ZNF549: variants seen among roughly 807,000 people sequenced by gnomAD.
The protein encoded by ZNF549 is zinc finger protein 549.
A neutral mutation model predicts 11.1 loss-of-function variants in ZNF549; 11 were observed. The ratio of observed to expected loss-of-function variants is 0.99; its 90% CI spans 0.62 to 1.64. The LOEUF (loss-of-function observed/expected upper bound fraction) is 1.64. Among genes scored for constraint, ZNF549 ranks in the 40% most tolerant of loss-of-function variants. The pLI is 0.00. For missense variants in ZNF549, 748 were observed against 765.1 expected (o/e 0.98, Z 0.26); for synonymous variants, 266 against 269.1 (o/e 0.99, Z 0.11).
At chr19:57,530,884 A>G (rs570083699) in intron 1 of ZNF549, among the ~76,000 whole-genome samples, 186 bp from the exon 2 acceptor site, 16 of 151,886 alleles carry the variant, frequency 1.1e-4, no homozygotes, top group Non-Finnish European at 2.2e-4. Flanking sequence ...TTGGACACGT[A>G]TGAATGAGTT....
chr19:57,535,459 A>C, intron 3 of ZNF549, 189 bp downstream of exon 3: 1 of 728,208 alleles, frequency 1.4e-6, no homozygotes, highest in Non-Finnish European at 2.1e-6. Context: ...TACTGTCCTG[A>C]AGCCTTTTAG....
At chr19:57,528,994 A>G (rs2089891809) in intron 1 of ZNF549, among the ~76,000 whole-genome samples, 1 of 152,222 alleles carries the variant, frequency 6.6e-6, no homozygotes, top group South Asian at 2.1e-4. Context: ...TGACCACATC[A>G]GTGACGGTGG....
At chr19:57,537,007 T>C (rs1383344278) in intron 3 of ZNF549, among the ~76,000 whole-genome samples, 197 bp from the exon 4 acceptor site, 2 of 151,946 alleles carry the variant, frequency 1.3e-5, no homozygotes, top group Non-Finnish European at 2.9e-5. Flanking sequence ...GAGATGGGAG[T>C]GTCACTGGAG....
chr19:57,530,737 A>G (rs1480372144), intron 1 of ZNF549, among the ~76,000 whole-genome samples: 2 of 152,122 alleles, frequency 1.3e-5, no homozygotes, highest in Non-Finnish European at 2.9e-5. Flanking sequence ...ATTATCAAAG[A>G]AGCACAGAAG....
At chr19:57,536,242 T>C (rs2089924117) in intron 3 of ZNF549, among the ~76,000 whole-genome samples, 1 of 152,116 alleles carries the variant, frequency 6.6e-6, no homozygotes, top group Admixed American at 6.5e-5. Flanking sequence ...CCATTGTAAG[T>C]TGAGAATATC....
chr19:57,536,832 A>G (rs1232745022), intron 3 of ZNF549, among the ~76,000 whole-genome samples: 1 of 152,142 alleles, frequency 6.6e-6, no homozygotes, highest in African/African-American at 2.4e-5. Context: ...GCTCGTGCCT[A>G]TAATCCTAGC....
chr19:57,527,376 C>G lies in ZNF549; in HGVS notation c.-198C>G. 1 of 712,520 alleles carries G rather than the reference C, an allele frequency of 1.4e-6. No individual in the cohort carries two copies. Among genetic ancestry groups the G allele is most frequent in the Non-Finnish European group, 2.4e-6 (1 of 422,038 alleles). 44.1% of individuals were successfully genotyped at this position (712,520 alleles called of 1,614,324 possible). On this transcript the variant is annotated 5_prime_UTR_variant, in exon 1 of 4. Transcript: ENST00000376233. ...TGGTCGTTTTTGCTGCCTGCGAGCG[C>G]GTCCGCGGGCTGGGCGTTTCCGGCT...
intron 2 of ZNF549, among the ~76,000 whole-genome samples, chr19:57,531,367 G>T (rs1600163614): frequency 6.6e-6 from 1 of 152,184 alleles, no homozygotes; most frequent in African/African-American, 2.4e-5. Flanking sequence ...AGATGAGAAT[G>T]ATATGGGCAT....
Position 57,538,148 on chromosome 19 carries a change from G to A in ZNF549, c.1144G>A (p.Val382Ile). Reference sequence around the variant, plus strand: ...CTATGACCGCATTCGACACCAGAGAGTTCACACTGGAGAAGGGGCTTATCA... The same window carrying A: ...CTATGACCGCATTCGACACCAGAGAATTCACACTGGAGAAGGGGCTTATCA... ...HSYDRIRHQR[V>I]HTGEGAYQCS... The change falls in exon 4 of 4, where the codon GTT becomes ATT. Residue 382 changes from valine (V) to isoleucine (I), a missense_variant. Coordinates refer to ENST00000376233, the MANE Select transcript of ZNF549 (RefSeq NM_001199295.2). The A allele has an allele frequency of 1.2e-6, 2 of 1,614,032 alleles. No homozygotes were observed. Among genetic ancestry groups the A allele is most frequent in the Non-Finnish European group, 8.5e-7 (1 of 1,179,994 alleles).
rs149660020 is a variant in ZNF549, at chr19:57,538,400, A to C, written c.1396A>C (p.Ile466Leu). 22 of 1,613,588 alleles carry C rather than the reference A, an allele frequency of 1.4e-5. No individual in the cohort carries two copies. The highest frequency in any genetic ancestry group is 1.7e-5 in the Non-Finnish European group (20 of 1,179,914). The change falls in exon 4 of 4, where the codon ATT becomes CTT. Residue 466 changes from isoleucine (I) to leucine (L), a missense_variant. Coordinates refer to ENST00000376233, the MANE Select transcript of ZNF549 (RefSeq NM_001199295.2). ...GTCTGACTACATGCGACACCAGAGAATTCACACTGGAGAAAGGGCTTATGA... is the reference window on the plus strand; with the variant it reads ...GTCTGACTACATGCGACACCAGAGACTTCACACTGGAGAAAGGGCTTATGA... ...RSSDYMRHQR[I>L]HTGERAYECS...
At chr19:57,527,630 T>C (rs916816359) in intron 1 of ZNF549, 24 bp downstream of exon 1, 2 of 1,612,262 alleles carry the variant, frequency 1.2e-6, no homozygotes, top group African/African-American at 2.7e-5. Context: ...CCTCGGATCC[T>C]CACCTGGGTC....
intron 2 of ZNF549, among the ~76,000 whole-genome samples, chr19:57,533,002 G>A (rs1011459295): frequency 3.9e-5 from 6 of 152,106 alleles, no homozygotes; most frequent in Non-Finnish European, 5.9e-5. Context: ...CCGCCACCAC[G>A]CCCAACTAAT....
intron 2 of ZNF549, among the ~76,000 whole-genome samples, chr19:57,533,609 A>T (rs1191743901): frequency 6.6e-6 from 1 of 152,124 alleles, no homozygotes; most frequent in East Asian, 1.9e-4. Context: ...CCCCTATCAG[A>T]GTGCCTCCTG....
chr19:57,537,117 C>T, intron 3 of ZNF549, 87 bp from the exon 4 acceptor site: 2 of 1,450,048 alleles, frequency 1.4e-6, no homozygotes, highest in East Asian at 2.3e-5. Context: ...GGACTCGTCC[C>T]TCCCTGTGTT....
At chr19:57,537,112 C>T (rs1289503816) in intron 3 of ZNF549, 92 bp from the exon 4 acceptor site, 16 of 1,431,002 alleles carry the variant, frequency 1.1e-5, no homozygotes, top group East Asian at 6.9e-5. Flanking sequence ...ACCATGGACT[C>T]GTCCCTCCCT....
Position 57,538,898 on chromosome 19 carries a change from C to G in ZNF549, c.1894C>G (p.Gln632Glu). Residue 632 changes from glutamine to glutamate, a missense_variant, in exon 4 of 4, where the codon CAG (glutamine) becomes GAG (glutamate). Transcript: ENST00000376233. ...CAAAAGATATTCCCTTGTCAGGCAC[C>G]AGAAGGTACATATAACAGAAGAGCC... ...FNKRYSLVRH[Q>E]KVHITEEP 1 of 1,605,718 alleles carries G rather than the reference C, an allele frequency of 6.2e-7. No homozygotes were observed. Among genetic ancestry groups the G allele is most frequent in the Middle Eastern group, 1.7e-4 (1 of 6,058 alleles).
At chr19:57,530,180 A>G (rs1297291815) in intron 1 of ZNF549, among the ~76,000 whole-genome samples, 4 of 152,188 alleles carry the variant, frequency 2.6e-5, no homozygotes, top group African/African-American at 4.8e-5. Context: ...AGAAAAATCA[A>G]GTGATTATAG....
chr19:57,534,520 A>G lies in ZNF549; in HGVS notation c.73-624A>G, dbSNP rs927009840. 1.1e-4 allele frequency among the ~76,000 whole-genome samples: 16 copies of G among 152,258 alleles called. No homozygotes were observed. The East Asian group carries it at 2.7e-3, about 26-fold the overall frequency. ...GCTGGGGGCCAAGCTTTGACTGAGT[A>G]TAGGTGGAGAGAGGAAAGATATGAC... is the stretch of plus-strand genomic sequence containing the variant. On this transcript the variant is annotated intron_variant, in intron 2 of 3. Coordinates refer to ENST00000376233, the MANE Select transcript of ZNF549 (RefSeq NM_001199295.2).
At chr19:57,534,047 C>G (rs1018654456) in intron 2 of ZNF549, among the ~76,000 whole-genome samples, 5 of 152,090 alleles carry the variant, frequency 3.3e-5, no homozygotes, top group African/African-American at 1.2e-4. Context: ...GAAAGCTATC[C>G]GTCAGCCAGT....
Sources: gnomAD v4.1 joint callset for allele counts (sites outside exome capture counted in the v4.1 genomes callset) on GRCh38, gnomAD v4.1.1 for gene constraint, MANE v1.5 for transcripts, NCBI Gene and HGNC (gene_info 2026-07-23, HGNC 2026-07-21) for gene names.